The following KCTD16 variants were observed in gnomAD, a reference collection of about 807,000 sequenced individuals.
KCTD16 encodes the protein potassium channel tetramerization domain containing 16.
Under a neutral mutation model 33.2 loss-of-function variants are expected in KCTD16, and 13 were observed. The ratio of observed to expected loss-of-function variants is 0.39; its 90% confidence interval spans 0.25 to 0.62. The LOEUF (loss-of-function observed/expected upper bound fraction) is 0.62, where lower values mean the gene tolerates loss of function less well. KCTD16 is among the 20% of genes least tolerant of loss of function. The probability of loss-of-function intolerance (pLI) is 0.50; values close to 1 mark genes in which losing one functional copy is unlikely to be tolerated. For missense variants in KCTD16, 441 were observed against 525.1 expected (o/e 0.84, Z 1.57); for synonymous variants, 197 against 195.3 (o/e 1.01, Z -0.07).
intron 3 of KCTD16, among the ~76,000 whole-genome samples, chr5:144,339,377 G>A (rs10054396): frequency 0.086 from 13,063 of 152,034 alleles, 1,366 homozygotes; most frequent in African/African-American, 0.25. Context: ...ACTATTATTC[G>A]ATCACTGCCC....
intron 2 of KCTD16, among the ~76,000 whole-genome samples, chr5:144,191,128 C>T (rs181608957): frequency 1.8e-4 from 27 of 152,168 alleles, no homozygotes; most frequent in African/African-American, 5.3e-4. Context: ...GTTGTAAAAA[C>T]GGAAATTCTT....
intron 3 of KCTD16, among the ~76,000 whole-genome samples, chr5:144,345,830 C>T (rs564434834): frequency 1.1e-4 from 16 of 152,252 alleles, no homozygotes; most frequent in African/African-American, 3.6e-4. Context: ...TCCCCTCAAG[C>T]ATTTCTCTTG....
At chr5:144,291,207 A>C (rs1269373542) in intron 3 of KCTD16, among the ~76,000 whole-genome samples, 1 of 152,216 alleles carries the variant, frequency 6.6e-6, no homozygotes. Context: ...CTCATGGGTT[A>C]GCATTCTTAT....
intron 3 of KCTD16, among the ~76,000 whole-genome samples, chr5:144,386,696 C>A (rs1032802551): frequency 2.6e-5 from 4 of 151,982 alleles, no homozygotes; most frequent in African/African-American, 9.7e-5. Flanking sequence ...TTAGTTAATG[C>A]ATGTAGGTGA....
At chr5:144,215,268 A>G (rs866981696) in intron 3 of KCTD16, among the ~76,000 whole-genome samples, 1 of 152,144 alleles carries the variant, frequency 6.6e-6, no homozygotes, top group African/African-American at 2.4e-5. Context: ...GCAGGAGTAA[A>G]TTGAAGCTGG....
At chr5:144,271,292 T>C (rs1308420922) in intron 3 of KCTD16, among the ~76,000 whole-genome samples, 1 of 152,052 alleles carries the variant, frequency 6.6e-6, no homozygotes, top group African/African-American at 2.4e-5. Context: ...AATTTGGGAT[T>C]ATTTTAAAAG....
At chr5:144,388,456 A>G (rs1752380363) in intron 3 of KCTD16, among the ~76,000 whole-genome samples, 1 of 152,166 alleles carries the variant, frequency 6.6e-6, no homozygotes, top group South Asian at 2.1e-4. Context: ...TCCTTTATTA[A>G]TTAACTCTGA....
chr5:144,199,925 G>C (rs1305760657), intron 2 of KCTD16, among the ~76,000 whole-genome samples: 1 of 151,784 alleles, frequency 6.6e-6, no homozygotes, highest in Non-Finnish European at 1.5e-5. Flanking sequence ...ATGTTAGCCA[G>C]GATGGTCTCG....
intron 3 of KCTD16, among the ~76,000 whole-genome samples, chr5:144,225,552 T>TTGTGTGTG (rs10550980): frequency 0.015 from 2,142 of 138,300 alleles, 25 homozygotes; most frequent in Middle Eastern, 0.042. Context: ...CAAAAATAAA[T>TTGTGTGTG]TGTGTGTGTG....
intron 3 of KCTD16, among the ~76,000 whole-genome samples, chr5:144,425,341 C>G (rs190062608): frequency 6.6e-6 from 1 of 152,082 alleles, no homozygotes; most frequent in Non-Finnish European, 1.5e-5. Context: ...GGCCTATAGC[C>G]TTGTTGGGCT....
intron 3 of KCTD16, among the ~76,000 whole-genome samples, chr5:144,325,860 A>C (rs1467465945): frequency 1.3e-5 from 2 of 152,142 alleles, no homozygotes; most frequent in South Asian, 4.1e-4. Flanking sequence ...TTCAGTGTCT[A>C]GAACAGTGCT....
intron 3 of KCTD16, among the ~76,000 whole-genome samples, chr5:144,223,301 T>C (rs965198032): frequency 1.3e-4 from 20 of 152,068 alleles, no homozygotes; most frequent in Non-Finnish European, 2.6e-4. Flanking sequence ...ATAAAAATAA[T>C]ATATGTATAA....
In KCTD16 at chr5:144,206,875, T is replaced by C. The variant is rs761586524; in HGVS notation, c.161T>C (p.Met54Thr). 4.3e-6 allele frequency: 7 copies of C among 1,614,046 alleles called. No homozygotes were observed. The South Asian group carries it at 6.6e-5, about 15-fold the overall frequency. The part of the protein sequence containing the change: ...ISIPHSLLWK[M>T]FSPKRDTAND... ...ATCCCTCATTCCCTCCTGTGGAAAA[T>C]GTTTTCCCCAAAGAGAGACACGGCT... is the stretch of plus-strand genomic sequence containing the variant. The change falls in exon 3 of 4, where the codon ATG becomes ACG. Residue 54 changes from methionine to threonine, a missense_variant. This residue lies in a region of KCTD16 where 80 missense variants were observed against 88.5 expected (regional missense o/e 0.90). Coordinates refer to ENST00000512467, the MANE Select transcript of KCTD16 (RefSeq NM_020768.4).
intron 3 of KCTD16, among the ~76,000 whole-genome samples, chr5:144,371,089 C>G (rs916489085): frequency 1.1e-4 from 16 of 152,042 alleles, no homozygotes; most frequent in Admixed American, 6.6e-4. Context: ...CTCTCCCTTT[C>G]GTTTGGTGAC....
intron 3 of KCTD16, among the ~76,000 whole-genome samples, chr5:144,345,186 C>T (rs1752760656): frequency 7.7e-6 from 1 of 130,698 alleles, no homozygotes; most frequent in Non-Finnish European, 1.6e-5. Context: ...AGGGGAACAT[C>T]ACACTCTGGG....
At chr5:144,297,539 A>G (rs1019669117) in intron 3 of KCTD16, among the ~76,000 whole-genome samples, 1 of 152,188 alleles carries the variant, frequency 6.6e-6, no homozygotes, top group African/African-American at 2.4e-5. Context: ...GTCTCCTTTT[A>G]ATATGGAGTA....
At chr5:144,195,612 T>C (rs1477291715) in intron 2 of KCTD16, among the ~76,000 whole-genome samples, 1 of 152,188 alleles carries the variant, frequency 6.6e-6, no homozygotes, top group African/African-American at 2.4e-5. Context: ...GAGAACCAAA[T>C]ACAGATTAGC....
chr5:144,416,738 C>T (rs545975850), intron 3 of KCTD16, among the ~76,000 whole-genome samples: 9 of 152,258 alleles, frequency 5.9e-5, no homozygotes, highest in Admixed American at 6.5e-5. Context: ...TTCCATCACT[C>T]GAAAGTAAAA....
At chr5:144,403,352 G>A (rs143677273) in intron 3 of KCTD16, among the ~76,000 whole-genome samples, 32 of 152,296 alleles carry the variant, frequency 2.1e-4, no homozygotes, top group African/African-American at 7.7e-4. Context: ...AATGCATGGT[G>A]TTCTAATAAG....
Sources: allele counts gnomAD v4.1 joint callset (sites outside exome capture counted in the v4.1 genomes callset), GRCh38; gene constraint gnomAD v4.1.1; regional missense constraint gnomAD v4.1.1; transcripts MANE v1.5; gene names NCBI Gene and HGNC (gene_info 2026-07-23, HGNC 2026-07-21).